Variants in MKLN1 observed in about 807,000 individuals in gnomAD.
MKLN1 encodes muskelin.
Under a neutral mutation model 99.0 loss-of-function variants are expected in MKLN1, and 18 were observed. The ratio of observed to expected loss-of-function variants is 0.18; its 90% CI spans 0.13 to 0.27. The LOEUF is 0.27. Among genes scored for constraint, MKLN1 ranks in the 10% least tolerant of loss-of-function variants. The pLI, the probability that MKLN1 is intolerant of heterozygous loss-of-function variation, is 1.00. For synonymous variants in MKLN1, 288 were observed against 293.2 expected (o/e 0.98, Z 0.18); for missense variants, 621 against 875.9 (o/e 0.71, Z 3.67).
At chr7:131,362,212 GTGGT>G (rs1339320848) in intron 1 of MKLN1, among the ~76,000 whole-genome samples, 1 of 151,784 alleles carries the variant, frequency 6.6e-6, no homozygotes, top group African/African-American at 2.4e-5. Flanking sequence ...GTCTCTTTAG[GTGGT>G]TTCGTCATTA....
chr7:131,133,259 C>A (rs1382690796), intron 1 of MKLN1, among the ~76,000 whole-genome samples: 1 of 151,736 alleles, frequency 6.6e-6, no homozygotes, highest in Non-Finnish European at 1.5e-5. Context: ...TCCCTCCTGG[C>A]AACTTCAAAG....
intron 3 of MKLN1, among the ~76,000 whole-genome samples, chr7:131,279,662 G>C (rs1798023376): frequency 6.6e-6 from 1 of 152,018 alleles, no homozygotes; most frequent in Non-Finnish European, 1.5e-5. Context: ...AAAAAAGTTA[G>C]CTGTGTGGTG....
intron 6 of MKLN1, among the ~76,000 whole-genome samples, chr7:131,402,429 T>G (rs1038483411): frequency 6.6e-6 from 1 of 152,226 alleles, no homozygotes; most frequent in East Asian, 1.9e-4. Flanking sequence ...CCATGAGCAT[T>G]GGAATCAACT....
intron 2 of MKLN1, among the ~76,000 whole-genome samples, chr7:131,189,022 A>G (rs1376414715): frequency 1.3e-5 from 2 of 152,202 alleles, no homozygotes; most frequent in African/African-American, 2.4e-5. Flanking sequence ...CCCATATTCA[A>G]ATACCACTTG....
Position 131,182,331 on chromosome 7 carries a change from A to C in MKLN1, c.-296-20526A>C, listed in dbSNP as rs1034185943. On this transcript the variant is annotated intron_variant, in intron 2 of 7. Transcript: ENST00000416992. ...GAAAATACTGGAATTGAAAAGCTTC[A>C]GTAAGAGAAGACAATGCTTACCACA... Among the ~76,000 whole-genome samples the C allele has an allele frequency of 2.0e-5, 3 of 152,350 alleles. No homozygotes were observed. The South Asian group carries it at 6.2e-4, about 32-fold the overall frequency.
At chr7:131,153,034 T>TATATATA (rs34593474) in intron 2 of MKLN1, among the ~76,000 whole-genome samples, 4 of 139,324 alleles carry the variant, frequency 2.9e-5, no homozygotes, top group African/African-American at 8.3e-5. Context: ...TATATATATA[T>TATATATA]TTTTTTTTTT....
chr7:131,337,083 G>A (rs553227361), intron 1 of MKLN1, among the ~76,000 whole-genome samples: 131 of 152,236 alleles, frequency 8.6e-4, no homozygotes, highest in South Asian at 1.9e-3. Context: ...AAAATCAGCC[G>A]TCAGACTTAC....
chr7:131,401,451 T>C (rs1310973720), intron 6 of MKLN1, among the ~76,000 whole-genome samples: 4 of 152,008 alleles, frequency 2.6e-5, no homozygotes, highest in Non-Finnish European at 5.9e-5. Flanking sequence ...TTTGCTGAGC[T>C]TATCTTATTT....
At chr7:131,402,996 A>G (rs1195293214) in intron 6 of MKLN1, among the ~76,000 whole-genome samples, 1 of 152,194 alleles carries the variant, frequency 6.6e-6, no homozygotes, top group East Asian at 1.9e-4. Context: ...CTTGCAAGAC[A>G]GTCACACTAT....
chr7:131,374,961 A>C (rs1284438094), intron 1 of MKLN1, among the ~76,000 whole-genome samples: 1 of 148,928 alleles, frequency 6.7e-6, no homozygotes, highest in African/African-American at 2.5e-5. Context: ...TTTTAAAGAC[A>C]GAGTCTTGCT....
intron 11 of MKLN1, among the ~76,000 whole-genome samples, chr7:131,444,742 TAGTAGTAGTAGTAGTAGA>T (rs1157220967): frequency 5.9e-4 from 75 of 126,374 alleles, no homozygotes; most frequent in African/African-American, 2.6e-3. Flanking sequence ...GTAGTAGTAG[TAGTAGTAGTAGTAGTAGA>T]AGAAGTAGTA....
chr7:131,410,598 C>A (rs1443283628), intron 6 of MKLN1, among the ~76,000 whole-genome samples: 1 of 151,990 alleles, frequency 6.6e-6, no homozygotes, highest in East Asian at 1.9e-4. Flanking sequence ...TTCTCTAGTT[C>A]TCTTGGATAT....
At chr7:131,305,895 G>T (rs934729120) in intron 3 of MKLN1, among the ~76,000 whole-genome samples, 2 of 152,194 alleles carry the variant, frequency 1.3e-5, no homozygotes, top group Admixed American at 1.3e-4. Context: ...CATACTGAAA[G>T]GCATTGGAGA....
intron 2 of MKLN1, among the ~76,000 whole-genome samples, chr7:131,376,048 G>T (rs1229981591): frequency 1.4e-5 from 2 of 139,340 alleles, no homozygotes; most frequent in African/African-American, 2.7e-5. Context: ...AAAGCAAATG[G>T]GTAAATAATA....
At chr7:131,151,222 T>C (rs767306858) in intron 2 of MKLN1, among the ~76,000 whole-genome samples, 3 of 152,238 alleles carry the variant, frequency 2.0e-5, no homozygotes, top group Non-Finnish European at 4.4e-5. Flanking sequence ...CTGACTCACT[T>C]AGCTGTGAAA....
chr7:131,419,016 A>G (rs921200250), intron 8 of MKLN1, among the ~76,000 whole-genome samples: 5 of 152,132 alleles, frequency 3.3e-5, no homozygotes, highest in African/African-American at 9.7e-5. Context: ...TCAGAAGTCT[A>G]ACAACTTTCA....
intron 1 of MKLN1, among the ~76,000 whole-genome samples, chr7:131,354,782 G>A (rs1326111181): frequency 2.0e-5 from 3 of 152,038 alleles, no homozygotes; most frequent in South Asian, 4.2e-4. Context: ...ATGATGTGAG[G>A]CACAAATCTA....
At chr7:131,373,275 A>G (rs1584665447) in intron 1 of MKLN1, among the ~76,000 whole-genome samples, 2 of 151,980 alleles carry the variant, frequency 1.3e-5, no homozygotes, top group East Asian at 1.9e-4. Flanking sequence ...GTTTATCTTA[A>G]TCTCCAATTT....
intron 3 of MKLN1, among the ~76,000 whole-genome samples, chr7:131,262,091 T>C (rs1162970795): frequency 6.6e-6 from 1 of 152,070 alleles, no homozygotes; most frequent in Non-Finnish European, 1.5e-5. Flanking sequence ...CCCTACAACA[T>C]GCAATTTACC....
Sources: allele counts gnomAD v4.1 joint callset (sites outside exome capture counted in the v4.1 genomes callset), GRCh38; gene constraint gnomAD v4.1.1; transcripts MANE v1.5; gene names NCBI Gene and HGNC (gene_info 2026-07-23, HGNC 2026-07-21).